The following CMSS1 variants were observed in gnomAD, a reference collection of about 807,000 sequenced individuals.
CMSS1 encodes the protein protein CMSS1.
In CMSS1, 33 loss-of-function variants were observed where a neutral mutation model predicts 43.5. The observed-to-expected ratio is 0.76, with a 90% CI of 0.57 to 1.01. The LOEUF (loss-of-function observed/expected upper bound fraction) is 1.01. Among genes scored for constraint, CMSS1 ranks in the 50% least tolerant of loss-of-function variants. The pLI, the probability that CMSS1 is intolerant of heterozygous loss-of-function variation, is 0.00. For synonymous variants in CMSS1, 115 were observed against 117.2 expected, an observed-to-expected ratio of 0.98 and a Z score of 0.12; for missense variants, 313 against 326.4, an observed-to-expected ratio of 0.96 and a Z score of 0.32.
intron 1 of CMSS1, among the ~76,000 whole-genome samples, chr3:99,846,056 T>C (rs1943350720): frequency 6.6e-6 from 1 of 152,220 alleles, no homozygotes; most frequent in South Asian, 2.1e-4. Flanking sequence ...ACATAAGAAA[T>C]TGAATCCTTT....
chr3:99,843,756 TAGC>T (rs1943237722), intron 1 of CMSS1, among the ~76,000 whole-genome samples: 1 of 152,078 alleles, frequency 6.6e-6, no homozygotes, highest in Admixed American at 6.5e-5. Flanking sequence ...CACGGACTGG[TAGC>T]AGTCCATGGC....
At chr3:99,997,014 G>C (rs1412467194) in intron 1 of CMSS1, among the ~76,000 whole-genome samples, 1 of 152,176 alleles carries the variant, frequency 6.6e-6, no homozygotes, top group East Asian at 1.9e-4. Flanking sequence ...TAAATGGAAA[G>C]TTTATAGCAT....
In CMSS1 at chr3:100,178,536, G is replaced by A. The variant is rs1448477015; in HGVS notation, c.*148G>A. 3 of 574,868 alleles carry A rather than the reference G, an allele frequency of 5.2e-6. No individual in the cohort carries two copies. The highest frequency in any genetic ancestry group is 6.2e-6 in the Non-Finnish European group (2 of 321,350). 35.6% of individuals were successfully genotyped at this position (574,868 alleles called of 1,614,324 possible). On this transcript the variant is annotated 3_prime_UTR_variant, in exon 10 of 10. Coordinates refer to ENST00000421999, the MANE Select transcript of CMSS1 (RefSeq NM_032359.4). The stretch of plus-strand genomic sequence containing the variant: ...TGGATCACTGGAATGTGGGGATTCT[G>A]AAACAGAAATGAAACTGTCCTTTTG...
intron 1 of CMSS1, among the ~76,000 whole-genome samples, chr3:99,982,518 T>G (rs1049535734): frequency 2.0e-5 from 3 of 152,134 alleles, no homozygotes; most frequent in African/African-American, 7.2e-5. Flanking sequence ...TTTTTTTATT[T>G]TTTTATAGAA....
rs372459054 is a variant in CMSS1, at chr3:99,978,635, C to G, written c.64+160592C>G. ...AGAGGCTGGGCACCAGGGCTCTCCC[C>G]TGTAATCCCAGGACTTTGGGTGTCC... On this transcript the variant is annotated intron_variant, in intron 1 of 9. Coordinates refer to ENST00000421999, the MANE Select transcript of CMSS1 (RefSeq NM_032359.4). 2.8e-4 allele frequency among the ~76,000 whole-genome samples: 42 copies of G among 152,234 alleles called. No individual in the cohort carries two copies. In the East Asian group the frequency reaches 6.6e-3, roughly 24 times the overall value.
intron 1 of CMSS1, among the ~76,000 whole-genome samples, chr3:100,020,379 CTG>C (rs1328377678): frequency 2.0e-5 from 3 of 152,326 alleles, no homozygotes; most frequent in Middle Eastern, 3.4e-3. Context: ...AGTTCAAAAT[CTG>C]TACATGTTTG....
Position 100,181,603 on chromosome 3 carries a change from T to G in CMSS1, c.*3215T>G, listed in dbSNP as rs1466781087. 1 of 152,248 alleles carries G rather than the reference T, an allele frequency of 6.6e-6. No individual in the cohort carries two copies. Among genetic ancestry groups the G allele is most frequent in the Non-Finnish European group, 1.5e-5 (1 of 68,046 alleles). 9.4% of individuals were successfully genotyped at this position (152,248 alleles called of 1,614,324 possible). Reference sequence around the variant, plus strand: ...TCAGACCAGTGACAGTTCCTCAGTATTTCCCTGTCTTTCATGACCTTCACA... The same window carrying G: ...TCAGACCAGTGACAGTTCCTCAGTAGTTCCCTGTCTTTCATGACCTTCACA... On this transcript the variant is annotated 3_prime_UTR_variant, in exon 10 of 10. Transcript: ENST00000421999.
chr3:99,970,267 C>G (rs1708774303), intron 1 of CMSS1, among the ~76,000 whole-genome samples: 1 of 152,126 alleles, frequency 6.6e-6, no homozygotes, highest in African/African-American at 2.4e-5. Context: ...AGTTTCAGAC[C>G]CAGGCAGTCT....
In CMSS1 at chr3:100,071,905, T is replaced by A. The variant is rs114888728; in HGVS notation, c.65-75068T>A. Among the ~76,000 whole-genome samples, 760 of 152,306 alleles carry A rather than the reference T, an allele frequency of 5.0e-3. 5 individuals are homozygous for A. Among genetic ancestry groups the A allele is most frequent in the African/African-American group, 0.017 (715 of 41,562 alleles). ...TCAACCAGGTGTCTTCAGGGGGACT[T>A]TGCCATATCAGCTAATTACATTTTT... On this transcript the variant is annotated intron_variant, in intron 1 of 9. Coordinates refer to ENST00000421999, the MANE Select transcript of CMSS1 (RefSeq NM_032359.4).
At chr3:99,943,118 C>T (rs1210357664) in intron 1 of CMSS1, among the ~76,000 whole-genome samples, 1 of 152,114 alleles carries the variant, frequency 6.6e-6, no homozygotes, top group Non-Finnish European at 1.5e-5. Context: ...AAGCCTGTTT[C>T]TTTAAAGGCG....
At chr3:100,014,881 TTTTTTCTTTCTTTC>T (rs1710280203) in intron 1 of CMSS1, among the ~76,000 whole-genome samples, 9 of 135,184 alleles carry the variant, frequency 6.7e-5, no homozygotes, top group South Asian at 2.6e-4. Flanking sequence ...TTTCTTTTTT[TTTTTTCTTTCTTTC>T]TTTTTTTTTT....
intron 1 of CMSS1, among the ~76,000 whole-genome samples, chr3:99,875,057 A>C (rs984590842): frequency 6.6e-6 from 1 of 152,214 alleles, no homozygotes; most frequent in Non-Finnish European, 1.5e-5. Flanking sequence ...CATAGTTGTT[A>C]AAGTTTTATT....
At chr3:99,986,902 T>C (rs1709357637) in intron 1 of CMSS1, among the ~76,000 whole-genome samples, 1 of 152,088 alleles carries the variant, frequency 6.6e-6, no homozygotes, top group South Asian at 2.1e-4. Flanking sequence ...CTGATCTAGT[T>C]AGGAGGACAA....
chr3:100,009,756 T>G (rs1710090641), intron 1 of CMSS1, among the ~76,000 whole-genome samples: 1 of 152,258 alleles, frequency 6.6e-6, no homozygotes, highest in Non-Finnish European at 1.5e-5. Context: ...AGTCTGCAGC[T>G]TTGATTGTCT....
intron 1 of CMSS1, among the ~76,000 whole-genome samples, chr3:99,966,838 C>T (rs543153171): frequency 3.2e-4 from 48 of 152,124 alleles, no homozygotes; most frequent in Non-Finnish European, 5.4e-4. Context: ...CGTACTTGAA[C>T]GACTTAGAGA....
intron 1 of CMSS1, among the ~76,000 whole-genome samples, chr3:99,872,069 C>T (rs1031227919): frequency 2.0e-5 from 3 of 152,196 alleles, no homozygotes; most frequent in East Asian, 1.9e-4. Context: ...CTCCTCTCTT[C>T]CTAGCACTAA....
intron 1 of CMSS1, among the ~76,000 whole-genome samples, chr3:100,006,360 T>A (rs530219415): frequency 5.8e-4 from 89 of 152,262 alleles, no homozygotes; most frequent in Admixed American, 1.1e-3. Flanking sequence ...AATAGTTAGG[T>A]ACTTCCTTTG....
intron 1 of CMSS1, among the ~76,000 whole-genome samples, chr3:100,013,218 T>TG (rs2107202023): frequency 8.4e-6 from 1 of 119,124 alleles, no homozygotes; most frequent in African/African-American, 3.5e-5. Flanking sequence ...AGTGAGGTGT[T>TG]GTTGTTGTTG....
chr3:99,896,419 T>C (rs12493124), intron 1 of CMSS1, among the ~76,000 whole-genome samples: 2 of 152,202 alleles, frequency 1.3e-5, no homozygotes, highest in Admixed American at 1.3e-4. Flanking sequence ...TTTCTGTGTG[T>C]GAAGTGTATA....
Sources: allele counts gnomAD v4.1 joint callset (sites outside exome capture counted in the v4.1 genomes callset), GRCh38; gene constraint gnomAD v4.1.1; transcripts MANE v1.5; gene names NCBI Gene and HGNC (gene_info 2026-07-23, HGNC 2026-07-21).